Variants in OPCML observed in about 807,000 individuals in gnomAD.
OPCML encodes opioid binding protein/cell adhesion molecule like.
In OPCML, 13 loss-of-function variants were observed where a neutral mutation model predicts 37.8. That is an observed-to-expected ratio of 0.34 (90% confidence interval 0.22 to 0.55). The LOEUF is 0.55. Among genes scored for constraint, OPCML ranks in the 20% least tolerant of loss-of-function variants. The pLI, the probability that OPCML is intolerant of heterozygous loss-of-function variation, is 0.91. For synonymous variants in OPCML, 176 were observed against 168.8 expected (o/e 1.04, Z -0.33); for missense variants, 341 against 435.6 (o/e 0.78, Z 1.93).
intron 1 of OPCML, among the ~76,000 whole-genome samples, chr11:133,134,915 G>T (rs1244653624): frequency 1.3e-5 from 2 of 152,146 alleles, no homozygotes; most frequent in Non-Finnish European, 2.9e-5. Flanking sequence ...ATTTTCTGGA[G>T]TATTTTTTCC....
intron 1 of OPCML, among the ~76,000 whole-genome samples, chr11:133,251,847 G>T (rs1053346658): frequency 6.6e-6 from 1 of 152,156 alleles, no homozygotes; most frequent in Non-Finnish European, 1.5e-5. Context: ...AGGAAGGGTA[G>T]GAAAAGAGAG....
chr11:133,195,913 G>T (rs2136310260), intron 1 of OPCML, among the ~76,000 whole-genome samples: 1 of 152,308 alleles, frequency 6.6e-6, no homozygotes, highest in Middle Eastern at 3.4e-3. Flanking sequence ...CGCACTCATA[G>T]ACTACAATAT....
chr11:132,726,722 G>A (rs537806547), intron 2 of OPCML, among the ~76,000 whole-genome samples: 4 of 152,184 alleles, frequency 2.6e-5, no homozygotes, highest in South Asian at 2.1e-4. Flanking sequence ...AAGCAGGACC[G>A]TGGAAGAGGA....
intron 4 of OPCML, among the ~76,000 whole-genome samples, chr11:132,478,500 G>A (rs912117262): frequency 6.6e-6 from 1 of 152,108 alleles, no homozygotes; most frequent in Non-Finnish European, 1.5e-5. Flanking sequence ...CCCCCAAAGA[G>A]TCATTCACAT....
intron 3 of OPCML, among the ~76,000 whole-genome samples, chr11:132,647,892 A>C (rs1941237968): frequency 6.6e-6 from 1 of 152,232 alleles, no homozygotes; most frequent in South Asian, 2.1e-4. Context: ...ATTGCTCTTC[A>C]ATTTCTATGC....
At chr11:132,691,139 G>A (rs1368336944) in intron 2 of OPCML, among the ~76,000 whole-genome samples, 1 of 152,164 alleles carries the variant, frequency 6.6e-6, no homozygotes, top group Non-Finnish European at 1.5e-5. Flanking sequence ...TAAGGAAACG[G>A]AGCCACAGAT....
At chr11:133,247,944 T>A (rs1464652362) in intron 1 of OPCML, among the ~76,000 whole-genome samples, 2 of 152,168 alleles carry the variant, frequency 1.3e-5, no homozygotes, top group Non-Finnish European at 2.9e-5. Flanking sequence ...GAATAGTTGC[T>A]AACATTAATA....
At chr11:132,681,560 A>G (rs1565771459) in intron 2 of OPCML, among the ~76,000 whole-genome samples, 1 of 152,030 alleles carries the variant, frequency 6.6e-6, no homozygotes, top group Non-Finnish European at 1.5e-5. Flanking sequence ...AGCCTCTTTC[A>G]CATCGGCAAT....
intron 1 of OPCML, among the ~76,000 whole-genome samples, chr11:133,471,412 T>C (rs1408938535): frequency 6.6e-6 from 1 of 152,176 alleles, no homozygotes; most frequent in Non-Finnish European, 1.5e-5. Context: ...TTGTATGCTA[T>C]CATTTATGTA....
At chr11:133,306,243 G>C (rs1327165562) in intron 1 of OPCML, among the ~76,000 whole-genome samples, 1 of 152,130 alleles carries the variant, frequency 6.6e-6, no homozygotes, top group Non-Finnish European at 1.5e-5. Context: ...CAACAAAACA[G>C]GTGTCTGTGT....
chr11:133,486,698 G>A (rs930711932), intron 1 of OPCML, among the ~76,000 whole-genome samples: 3 of 152,050 alleles, frequency 2.0e-5, no homozygotes, highest in Non-Finnish European at 2.9e-5. Flanking sequence ...TTGAACTCAG[G>A]ACTTGTAATT....
At chr11:132,806,160 G>T (rs967164896) in intron 2 of OPCML, among the ~76,000 whole-genome samples, 4 of 152,008 alleles carry the variant, frequency 2.6e-5, no homozygotes, top group African/African-American at 4.8e-5. Flanking sequence ...AAAAATACTG[G>T]ATTAACATAG....
intron 1 of OPCML, among the ~76,000 whole-genome samples, chr11:133,085,098 A>G (rs1948799435): frequency 6.6e-6 from 1 of 152,168 alleles, no homozygotes; most frequent in Non-Finnish European, 1.5e-5. Context: ...TTAATGTTGA[A>G]GTTCATCCTT....
chr11:133,375,221 C>G (rs1452428755), intron 1 of OPCML, among the ~76,000 whole-genome samples: 1 of 152,212 alleles, frequency 6.6e-6, no homozygotes, highest in East Asian at 1.9e-4. Context: ...ACACACAACA[C>G]TTAGCGAGCA....
chr11:132,925,605 T>C (rs1055316246), intron 2 of OPCML, among the ~76,000 whole-genome samples: 10 of 152,082 alleles, frequency 6.6e-5, no homozygotes, highest in Admixed American at 4.6e-4. Context: ...TACATCTAGT[T>C]TTCAGCCATC....
At chr11:133,251,105 T>C (rs1419605847) in intron 1 of OPCML, among the ~76,000 whole-genome samples, 3 of 152,136 alleles carry the variant, frequency 2.0e-5, no homozygotes, top group Admixed American at 1.3e-4. Context: ...ATATAGGGAA[T>C]TCCACATTCA....
At chr11:133,045,904 G>A (rs1948002662) in intron 1 of OPCML, among the ~76,000 whole-genome samples, 1 of 152,150 alleles carries the variant, frequency 6.6e-6, no homozygotes, top group African/African-American at 2.4e-5. Flanking sequence ...TGCTTCCAAT[G>A]GCTGCCTGTA....
chr11:133,210,799 G>A (rs770435563), intron 1 of OPCML, among the ~76,000 whole-genome samples: 1 of 151,986 alleles, frequency 6.6e-6, no homozygotes, highest in Admixed American at 6.6e-5. Context: ...TATGATCTCC[G>A]GACATTTTTT....
chr11:133,189,638 T>C (rs1938223282), intron 1 of OPCML, among the ~76,000 whole-genome samples: 1 of 152,220 alleles, frequency 6.6e-6, no homozygotes, highest in African/African-American at 2.4e-5. Context: ...ACAAAGAGGT[T>C]GTGGCCAGGT....
Sources: allele counts gnomAD v4.1 joint callset (sites outside exome capture counted in the v4.1 genomes callset), GRCh38; gene constraint gnomAD v4.1.1; transcripts MANE v1.5; gene names NCBI Gene and HGNC (gene_info 2026-07-23, HGNC 2026-07-21).